Variants in ANKRD55 observed in about 807,000 individuals in gnomAD.
The protein encoded by ANKRD55 is ankyrin repeat domain 55.
ANKRD55 carries 41 observed loss-of-function variants against 60.6 expected under a neutral mutation model. The observed-to-expected ratio is 0.68, with a 90% CI of 0.53 to 0.88. The LOEUF (loss-of-function observed/expected upper bound fraction) is 0.88, where lower values mean the gene tolerates loss of function less well. Among genes scored for constraint, ANKRD55 ranks in the 40% least tolerant of loss-of-function variants. The pLI is 0.00. For synonymous variants in ANKRD55, 264 were observed against 290.3 expected (o/e 0.91, Z 0.92); for missense variants, 732 against 767.6 (o/e 0.95, Z 0.55).
At chr5:56,230,670 G>A (rs1466484151) in intron 2 of ANKRD55, among the ~76,000 whole-genome samples, 3 of 152,146 alleles carry the variant, frequency 2.0e-5, no homozygotes. Context: ...TTAAGAAAGA[G>A]GAAGGATTAA....
At chr5:56,140,890 C>T (rs1757741523) in intron 7 of ANKRD55, among the ~76,000 whole-genome samples, 2 of 151,922 alleles carry the variant, frequency 1.3e-5, no homozygotes, top group African/African-American at 4.8e-5. Flanking sequence ...TGGTGAAACC[C>T]CATCTATACT....
rs1191942827 is a variant in ANKRD55 at position 56,111,634 on chromosome 5, C to G, written c.1114G>C (p.Glu372Gln). 3 of 1,562,488 alleles carry G rather than the reference C, an allele frequency of 1.9e-6. No individual in the cohort carries two copies. Among genetic ancestry groups the G allele is most frequent in the Non-Finnish European group, 2.6e-6 (3 of 1,159,254 alleles). ...QKDPSRDRYR[E>Q]EDTSEVNDII... ...TCATTGACTTCTGAGGTGTCCTCCTCTCTGTATCGGTCCCTGCTGGGATCC... is the reference window on the plus strand; with the variant it reads ...TCATTGACTTCTGAGGTGTCCTCCTGTCTGTATCGGTCCCTGCTGGGATCC... Residue 372 changes from glutamate (E) to glutamine (Q), a missense_variant, in exon 10 of 12, where the codon GAG becomes CAG. Coordinates refer to ENST00000341048, the MANE Select transcript of ANKRD55 (RefSeq NM_024669.3).
At chr5:56,152,525 A>G (rs1423675976) in intron 6 of ANKRD55, among the ~76,000 whole-genome samples, 1 of 152,238 alleles carries the variant, frequency 6.6e-6, no homozygotes, top group African/African-American at 2.4e-5. Flanking sequence ...CTCTCTTGAT[A>G]GAACACTCTT....
Position 56,111,527 on chromosome 5 carries a change from CT to C in ANKRD55, c.1220del (p.Lys407ArgfsTer41). 4 of 1,614,090 alleles carry C rather than the reference CT, an allele frequency of 2.5e-6. No individual in the cohort carries two copies. Among genetic ancestry groups the C allele is most frequent in the Non-Finnish European group, 2.5e-6 (3 of 1,180,016 alleles). On this transcript the variant is annotated frameshift_variant, in exon 10 of 12. Transcript: ENST00000341048. LOFTEE classifies it high-confidence loss of function. The stretch of plus-strand genomic sequence containing the variant: ...ATTTTGAATTGTCTGAGGTTTTCTT[CT>C]TAAATTCAACCATAGCCACCTGATC... ...PGDQVAMVEF[K>X]KKTSDNSKYL... is the part of the protein sequence containing the mutation.
chr5:56,177,126 A>G (rs568643230), intron 3 of ANKRD55, among the ~76,000 whole-genome samples: 28 of 152,282 alleles, frequency 1.8e-4, no homozygotes, highest in African/African-American at 6.7e-4. Flanking sequence ...TTAACTTCTA[A>G]GTGTCCCTTT....
Position 56,147,047 on chromosome 5 carries a change from C to T in ANKRD55, c.484-3118G>A, listed in dbSNP as rs1393647083. ...CAAGAAACCCCCCCACAAAACCCAA[C>T]TCTTGCATAGTTTGGTGAAGGGGTG... On this transcript the variant is annotated intron_variant, in intron 6 of 11. Coordinates refer to ENST00000341048, the MANE Select transcript of ANKRD55 (RefSeq NM_024669.3). Among the ~76,000 whole-genome samples the T allele has an allele frequency of 1.3e-5, 2 of 152,196 alleles. 1 individual carries two copies. Among genetic ancestry groups the T allele is most frequent in the African/African-American group, 4.8e-5 (2 of 41,448 alleles).
intron 8 of ANKRD55, among the ~76,000 whole-genome samples, chr5:56,120,005 G>C (rs998377899): frequency 6.6e-6 from 1 of 151,338 alleles, no homozygotes; most frequent in Non-Finnish European, 1.5e-5. Context: ...CAATTTGACT[G>C]TTTTTGTAAT....
chr5:56,136,304 AC>A (rs1757595944), intron 7 of ANKRD55, among the ~76,000 whole-genome samples: 1 of 152,222 alleles, frequency 6.6e-6, no homozygotes, highest in African/African-American at 2.4e-5. Flanking sequence ...AGAATAGTCA[AC>A]AAGATAGTGG....
At chr5:56,114,752 G>A (rs1756836964) in intron 9 of ANKRD55, among the ~76,000 whole-genome samples, 1 of 152,154 alleles carries the variant, frequency 6.6e-6, no homozygotes, top group South Asian at 2.1e-4. Context: ...TAACCTTTAA[G>A]AAACTGCTGC....
At chr5:56,186,170 G>T (rs1158943769) in intron 2 of ANKRD55, among the ~76,000 whole-genome samples, 1 of 152,020 alleles carries the variant, frequency 6.6e-6, no homozygotes, top group Non-Finnish European at 1.5e-5. Flanking sequence ...GTTTTTGTTT[G>T]TTTGTTTGTT....
At chr5:56,166,158 T>TTTCTTCCTTTCTTCC (rs1554040812) in intron 5 of ANKRD55, among the ~76,000 whole-genome samples, 1 of 72,436 alleles carries the variant, frequency 1.4e-5, no homozygotes, top group Non-Finnish European at 2.6e-5. Context: ...TTCTTTCTTC[T>TTTCTTCCTTTCTTCC]TTCCTTCCTT....
chr5:56,203,282 C>T (rs1365385146), intron 2 of ANKRD55, among the ~76,000 whole-genome samples: 5 of 151,946 alleles, frequency 3.3e-5, no homozygotes, highest in African/African-American at 7.3e-5. Context: ...GGGTGGTTCC[C>T]CCATGCTGCT....
intron 7 of ANKRD55, among the ~76,000 whole-genome samples, chr5:56,140,225 A>T (rs146829866): frequency 6.6e-6 from 1 of 152,370 alleles, no homozygotes; most frequent in African/African-American, 2.4e-5. Context: ...GCCCTGTGTT[A>T]TAAATGAACA....
Position 56,138,986 on chromosome 5 carries a change from G to A in ANKRD55, c.612+4815C>T, listed in dbSNP as rs564339044. 2.6e-5 allele frequency among the ~76,000 whole-genome samples: 4 copies of A among 151,528 alleles called. No individual in the cohort carries two copies. In the South Asian group the frequency reaches 8.4e-4, roughly 32 times the overall value. ...AGCTTATGGTAAACTATGGACTTTG[G>A]GCATTGATGACCTGTCAGTGTAGGC... is the stretch of plus-strand genomic sequence containing the variant. On this transcript the variant is annotated intron_variant, in intron 7 of 11. Transcript: ENST00000341048.
At chr5:56,140,002 C>T (rs1264334665) in intron 7 of ANKRD55, among the ~76,000 whole-genome samples, 1 of 152,120 alleles carries the variant, frequency 6.6e-6, no homozygotes. Context: ...CAGGGTAAAA[C>T]TTAGTTTACC....
At chr5:56,213,047 T>C (rs1440689393) in intron 2 of ANKRD55, among the ~76,000 whole-genome samples, 1 of 152,148 alleles carries the variant, frequency 6.6e-6, no homozygotes, top group Non-Finnish European at 1.5e-5. Flanking sequence ...AGATGCCTTC[T>C]GGATAAAAAC....
chr5:56,150,234 C>A (rs1255091683), intron 6 of ANKRD55, among the ~76,000 whole-genome samples: 1 of 152,120 alleles, frequency 6.6e-6, no homozygotes, highest in Non-Finnish European at 1.5e-5. Flanking sequence ...TGTGACTTTG[C>A]CACCTCTATA....
At chr5:56,106,419 GC>G (rs1258306195) in intron 10 of ANKRD55, among the ~76,000 whole-genome samples, 1 of 106,880 alleles carries the variant, frequency 9.4e-6, no homozygotes, top group Non-Finnish European at 1.7e-5. Flanking sequence ...GGCTAGGAAA[GC>G]TTTTTTTTTT....
At chr5:56,103,089 C>T (rs1756340021) in intron 10 of ANKRD55, among the ~76,000 whole-genome samples, 1 of 152,204 alleles carries the variant, frequency 6.6e-6, no homozygotes, top group Non-Finnish European at 1.5e-5. Context: ...ATGGTGTCAG[C>T]TGTTTATCAG....
Sources: allele counts gnomAD v4.1 joint callset (sites outside exome capture counted in the v4.1 genomes callset), GRCh38; gene constraint gnomAD v4.1.1; transcripts MANE v1.5; gene names NCBI Gene and HGNC (gene_info 2026-07-23, HGNC 2026-07-21).